CPED1: variants seen among roughly 807,000 people sequenced by gnomAD.
CPED1 encodes the protein cadherin like and PC-esterase domain containing 1, also known as cadherin-like and PC-esterase domain-containing protein 1.
Under a neutral mutation model 128.2 loss-of-function variants are expected in CPED1, and 114 were observed. The observed-to-expected ratio is 0.89, with a 90% CI of 0.76 to 1.04. The LOEUF (loss-of-function observed/expected upper bound fraction) is 1.04. Ranked by LOEUF, CPED1 falls within the 50% of genes least tolerant of loss-of-function variation. CPED1 has a pLI of 0.00. For synonymous variants in CPED1, 462 were observed against 426.7 expected, an observed-to-expected ratio of 1.08 and a Z score of -1.02; for missense variants, 1,211 against 1,207.1, an observed-to-expected ratio of 1.00 and a Z score of -0.05.
chr7:121,092,932 G>A (rs780393710), intron 5 of CPED1, among the ~76,000 whole-genome samples: 6 of 152,158 alleles, frequency 3.9e-5, no homozygotes, highest in Non-Finnish European at 7.3e-5. Flanking sequence ...ATTCAAGATT[G>A]CAAAGGACCT....
chr7:121,170,754 T>C (rs2116466535), intron 16 of CPED1, among the ~76,000 whole-genome samples: 1 of 152,174 alleles, frequency 6.6e-6, no homozygotes, highest in South Asian at 2.1e-4. Flanking sequence ...TATCCTTTAT[T>C]AAAATTCAAA....
At chr7:121,171,574 A>T (rs1796649834) in intron 16 of CPED1, among the ~76,000 whole-genome samples, 1 of 152,196 alleles carries the variant, frequency 6.6e-6, no homozygotes, top group Non-Finnish European at 1.5e-5. Context: ...CTGTTCCCCC[A>T]GTGGTTTCTC....
Position 121,158,981 on chromosome 7 carries a change from A to G in CPED1, c.2055+16840A>G, listed in dbSNP as rs560875771. Among the ~76,000 whole-genome samples, 22 of 152,312 alleles carry G rather than the reference A, an allele frequency of 1.4e-4. No individual in the cohort carries two copies. The East Asian group carries it at 4.2e-3, about 29-fold the overall frequency. ...AGTTAGAACACTTTTAACCATAACAATAATAATTTCCAGCTATCCCAAATC... is the reference window on the plus strand; with the variant it reads ...AGTTAGAACACTTTTAACCATAACAGTAATAATTTCCAGCTATCCCAAATC... On this transcript the variant is annotated intron_variant, in intron 16 of 22. Transcript: ENST00000310396.
chr7:121,188,031 G>A (rs949809431), intron 16 of CPED1, among the ~76,000 whole-genome samples: 12 of 151,988 alleles, frequency 7.9e-5, no homozygotes, highest in Admixed American at 2.6e-4. Flanking sequence ...TTAAACACTG[G>A]ATACTTGCTT....
At chr7:120,996,405 T>C (rs574288891) in intron 2 of CPED1, among the ~76,000 whole-genome samples, 1 of 152,328 alleles carries the variant, frequency 6.6e-6, no homozygotes, top group African/African-American at 2.4e-5. Flanking sequence ...ATTAATCATA[T>C]TTACATTGTT....
At chr7:121,243,976 G>A (rs1481566999) in intron 17 of CPED1, among the ~76,000 whole-genome samples, 2 of 152,160 alleles carry the variant, frequency 1.3e-5, no homozygotes, top group Non-Finnish European at 2.9e-5. Context: ...ATGGAACAGA[G>A]CTCATACTTG....
intron 22 of CPED1, among the ~76,000 whole-genome samples, chr7:121,292,573 C>T (rs140370133): frequency 2.0e-4 from 30 of 151,978 alleles, no homozygotes; most frequent in African/African-American, 6.5e-4. Context: ...CGAGGAGTTG[C>T]GATCGTTTGG....
chr7:121,191,419 A>G (rs1281959986), intron 16 of CPED1, among the ~76,000 whole-genome samples: 1 of 152,138 alleles, frequency 6.6e-6, no homozygotes, highest in African/African-American at 2.4e-5. Flanking sequence ...CAGGCTGAGG[A>G]GAAGAATATT....
At chr7:121,012,098 G>A (rs1792174944) in intron 2 of CPED1, among the ~76,000 whole-genome samples, 1 of 152,154 alleles carries the variant, frequency 6.6e-6, no homozygotes, top group Non-Finnish European at 1.5e-5. Context: ...GCAAGCAAGT[G>A]ATGGGGCCAG....
intron 17 of CPED1, among the ~76,000 whole-genome samples, chr7:121,239,112 C>G (rs193298806): frequency 1.3e-5 from 2 of 152,250 alleles, no homozygotes; most frequent in Admixed American, 1.3e-4. Context: ...TAGCAGGATT[C>G]CCTCCTATTG....
At chr7:121,269,538 T>C (rs948590592) in intron 21 of CPED1, among the ~76,000 whole-genome samples, 2 of 152,076 alleles carry the variant, frequency 1.3e-5, no homozygotes, top group African/African-American at 4.8e-5. Context: ...GGTCAAATGG[T>C]AGTTCCATTT....
chr7:121,034,545 C>CT (rs1792836282), intron 3 of CPED1, among the ~76,000 whole-genome samples: 1 of 151,908 alleles, frequency 6.6e-6, no homozygotes, highest in South Asian at 2.1e-4. Flanking sequence ...TGCGCCTGGC[C>CT]GACATCAAGT....
intron 18 of CPED1, among the ~76,000 whole-genome samples, chr7:121,264,728 A>G (rs1174436352): frequency 6.6e-6 from 1 of 152,126 alleles, no homozygotes; most frequent in Non-Finnish European, 1.5e-5. Flanking sequence ...GTGCATGACT[A>G]ATAGAAAGAG....
intron 2 of CPED1, among the ~76,000 whole-genome samples, chr7:120,995,899 C>A (rs150512751): frequency 9.3e-6 from 1 of 107,134 alleles, no homozygotes; most frequent in Non-Finnish European, 2.0e-5. Flanking sequence ...CTTCTTCTTC[C>A]TCTTCTTCTT....
rs763374242 is a variant in CPED1, at chr7:121,295,695, G to A, written c.*43G>A. On this transcript the variant is annotated 3_prime_UTR_variant, in exon 23 of 23. Transcript: ENST00000310396. ...TGAATCTGGAGCTGGAGACGAGCTA[G>A]TCACCCGGACAATGGTCTAGGAGCC... The A allele has an allele frequency of 6.4e-7, 1 of 1,561,944 alleles. No homozygotes were observed.
chr7:121,225,416 T>A (rs868276232), intron 16 of CPED1, among the ~76,000 whole-genome samples: 1 of 152,158 alleles, frequency 6.6e-6, no homozygotes, highest in Non-Finnish European at 1.5e-5. Context: ...TAACATTTTT[T>A]CCTTCATTTC....
intron 5 of CPED1, among the ~76,000 whole-genome samples, chr7:121,075,773 G>T (rs55748177): frequency 0.46 from 70,005 of 151,844 alleles, 16,401 homozygotes; most frequent in East Asian, 0.61. Flanking sequence ...TGATGAAATA[G>T]GCTGAAATCT....
At chr7:121,034,706 C>T (rs747208567) in intron 3 of CPED1, among the ~76,000 whole-genome samples, 5 of 152,036 alleles carry the variant, frequency 3.3e-5, no homozygotes, top group East Asian at 1.9e-4. Flanking sequence ...AGGTGTTTCT[C>T]GAACTTACTT....
At chr7:121,242,164 T>G (rs1798411539) in intron 17 of CPED1, among the ~76,000 whole-genome samples, 1 of 152,236 alleles carries the variant, frequency 6.6e-6, no homozygotes, top group South Asian at 2.1e-4. Context: ...TATGCATTAC[T>G]TGTTTTTACG....
Sources: gnomAD v4.1 joint callset for allele counts (sites outside exome capture counted in the v4.1 genomes callset) on GRCh38, gnomAD v4.1.1 for gene constraint, MANE v1.5 for transcripts, NCBI Gene and HGNC (gene_info 2026-07-23, HGNC 2026-07-21) for gene names.